The following IQCM variants were observed in gnomAD, a reference collection of about 807,000 sequenced individuals.
The protein encoded by IQCM is IQ motif containing M.
IQCM carries 45 observed loss-of-function variants against 57.6 expected under a neutral mutation model. The ratio of observed to expected loss-of-function variants is 0.78; its 90% confidence interval spans 0.62 to 1.00. The LOEUF (loss-of-function observed/expected upper bound fraction) is 1.00, where lower values mean the gene tolerates loss of function less well. Ranked by LOEUF, IQCM falls within the 50% of genes least tolerant of loss-of-function variation. The probability of loss-of-function intolerance (pLI) is 0.00; values close to 1 mark genes in which losing one functional copy is unlikely to be tolerated. For missense variants in IQCM, 468 were observed against 511.6 expected, an observed-to-expected ratio of 0.91 and a Z score of 0.82; for synonymous variants, 148 against 158.9, an observed-to-expected ratio of 0.93 and a Z score of 0.51.
intron 5 of IQCM, 25 bp downstream of exon 5, chr4:149,733,219 T>G (rs1766624961): frequency 1.5e-5 from 18 of 1,231,168 alleles, no homozygotes; most frequent in Non-Finnish European, 1.8e-5. Context: ...GTTTGCTGAA[T>G]TTCTTCACTC....
At chr4:149,539,038 TA>T (rs909108299) in intron 12 of IQCM, among the ~76,000 whole-genome samples, 5 of 151,992 alleles carry the variant, frequency 3.3e-5, no homozygotes, top group Admixed American at 3.3e-4. Context: ...AGAAGATAAA[TA>T]AAAATGTCTA....
intron 2 of IQCM, among the ~76,000 whole-genome samples, chr4:149,743,571 C>A (rs907032890): frequency 6.6e-6 from 1 of 152,134 alleles, no homozygotes; most frequent in Non-Finnish European, 1.5e-5. Flanking sequence ...ATATCAGAAT[C>A]ACCTAAGGAG....
chr4:149,460,961 A>G (rs912234429), intron 12 of IQCM, among the ~76,000 whole-genome samples: 1 of 152,112 alleles, frequency 6.6e-6, no homozygotes, highest in Non-Finnish European at 1.5e-5. Context: ...TTGGCCAGGA[A>G]CGGTGGCTCA....
At chr4:149,679,698 G>T (rs550220229) in intron 7 of IQCM, among the ~76,000 whole-genome samples, 40 of 151,186 alleles carry the variant, frequency 2.6e-4, no homozygotes, top group Admixed American at 1.2e-3. Flanking sequence ...GAGTCCAGTA[G>T]GTTACCATAT....
chr4:149,813,645 T>G (rs927345731), intron 2 of IQCM, among the ~76,000 whole-genome samples: 25 of 152,080 alleles, frequency 1.6e-4, no homozygotes, highest in Non-Finnish European at 2.6e-4. Context: ...ATTAGATACC[T>G]ATATGTCTTC....
At chr4:149,723,463 A>G (rs1303233955) in intron 5 of IQCM, among the ~76,000 whole-genome samples, 1 of 151,676 alleles carries the variant, frequency 6.6e-6, no homozygotes, top group Non-Finnish European at 1.5e-5. Context: ...TATATTCTTT[A>G]TATTCTTAGT....
intron 13 of IQCM, among the ~76,000 whole-genome samples, chr4:149,409,743 A>G (rs1169459375): frequency 6.6e-6 from 1 of 151,802 alleles, no homozygotes; most frequent in African/African-American, 2.4e-5. Context: ...GACCCTCCAC[A>G]CTCCCTCTCT....
At chr4:149,559,492 C>A (rs1360148002) in intron 10 of IQCM, among the ~76,000 whole-genome samples, 1 of 152,082 alleles carries the variant, frequency 6.6e-6, no homozygotes, top group Non-Finnish European at 1.5e-5. Flanking sequence ...AAAATAAAGC[C>A]TCACCCTCCA....
chr4:149,678,100 G>T (rs983112279), intron 7 of IQCM, among the ~76,000 whole-genome samples: 15 of 151,774 alleles, frequency 9.9e-5, no homozygotes, highest in African/African-American at 3.6e-4. Context: ...CAAGAGCAAA[G>T]GGTAGAAAGC....
At chr4:149,553,815 T>A (rs1749274958) in intron 10 of IQCM, among the ~76,000 whole-genome samples, 1 of 152,216 alleles carries the variant, frequency 6.6e-6, no homozygotes, top group African/African-American at 2.4e-5. Context: ...TCAGCGTATG[T>A]GCAAATTTTG....
intron 12 of IQCM, among the ~76,000 whole-genome samples, chr4:149,536,454 C>A (rs1406005456): frequency 6.6e-6 from 1 of 151,874 alleles, no homozygotes; most frequent in East Asian, 1.9e-4. Context: ...TGTGTTAAAC[C>A]TTTGCTTTTA....
chr4:149,596,339 G>C (rs1753778996), intron 8 of IQCM, among the ~76,000 whole-genome samples: 1 of 152,152 alleles, frequency 6.6e-6, no homozygotes, highest in African/African-American at 2.4e-5. Flanking sequence ...TGATGGGAAA[G>C]TAATGGAATT....
chr4:149,792,338 G>T (rs1241996913), intron 2 of IQCM, among the ~76,000 whole-genome samples: 1 of 151,960 alleles, frequency 6.6e-6, no homozygotes, highest in Non-Finnish European at 1.5e-5. Flanking sequence ...GTGTAATTCT[G>T]CAAGATTAAA....
chr4:149,519,661 G>A (rs910949734), intron 12 of IQCM, among the ~76,000 whole-genome samples: 1 of 148,132 alleles, frequency 6.8e-6, no homozygotes, highest in African/African-American at 2.5e-5. Flanking sequence ...AAAAAAGATT[G>A]CTTTCTTAAA....
At chr4:149,381,719 T>C (rs1031323355) in intron 13 of IQCM, among the ~76,000 whole-genome samples, 2 of 142,168 alleles carry the variant, frequency 1.4e-5, no homozygotes. Flanking sequence ...CTTTCCCCCA[T>C]AGTATGTATG....
At chr4:149,423,642 G>A (rs971290088) in intron 13 of IQCM, among the ~76,000 whole-genome samples, 5 of 151,980 alleles carry the variant, frequency 3.3e-5, no homozygotes, top group African/African-American at 1.2e-4. Context: ...CTGTGTGGTT[G>A]TTTTACATCA....
chr4:149,732,871 C>T (rs1445739298), intron 5 of IQCM, among the ~76,000 whole-genome samples: 2 of 152,138 alleles, frequency 1.3e-5, no homozygotes, highest in Admixed American at 6.5e-5. Flanking sequence ...TGAGGAAACA[C>T]GCTCACGAGT....
chr4:149,606,178 C>G (rs1366068653), intron 8 of IQCM, among the ~76,000 whole-genome samples: 2 of 152,046 alleles, frequency 1.3e-5, no homozygotes, highest in South Asian at 2.1e-4. Flanking sequence ...TGCATAATGC[C>G]ATTTGTGATG....
chr4:149,759,189 A>G (rs1769272765), intron 2 of IQCM, among the ~76,000 whole-genome samples: 1 of 152,200 alleles, frequency 6.6e-6, no homozygotes, highest in Non-Finnish European at 1.5e-5. Flanking sequence ...TATAATTTCA[A>G]CTATATGATA....
Sources: allele counts gnomAD v4.1 joint callset (sites outside exome capture counted in the v4.1 genomes callset), GRCh38; gene constraint gnomAD v4.1.1; transcripts MANE v1.5; gene names NCBI Gene and HGNC (gene_info 2026-07-23, HGNC 2026-07-21).